Variants in TLK1 observed in about 807,000 individuals in gnomAD.
TLK1 encodes the protein serine/threonine-protein kinase tousled-like 1.
TLK1 carries 24 observed loss-of-function variants against 105.3 expected under a neutral mutation model. The ratio of observed to expected loss-of-function variants is 0.23; its 90% CI spans 0.17 to 0.32. The LOEUF (loss-of-function observed/expected upper bound fraction) is 0.32. TLK1 is among the 10% of genes least tolerant of loss of function. The pLI, the probability that TLK1 is intolerant of heterozygous loss-of-function variation, is 1.00. For synonymous variants in TLK1, 321 were observed against 310.4 expected (o/e 1.03, Z -0.36); for missense variants, 558 against 910.5 (o/e 0.61, Z 4.98).
intron 1 of TLK1, among the ~76,000 whole-genome samples, chr2:171,203,180 T>C (rs543405636): frequency 9.8e-5 from 15 of 152,352 alleles, no homozygotes; most frequent in East Asian, 3.8e-4. Flanking sequence ...AAATGTTTAA[T>C]TGTGGTTTAA....
rs1458863165 is a variant in TLK1 at position 171,055,099 on chromosome 2, G to A, written c.623C>T (p.Ser208Phe). The A allele has an allele frequency of 6.1e-6, 9 of 1,482,824 alleles. No individual in the cohort carries two copies. Among genetic ancestry groups the A allele is most frequent in the Non-Finnish European group, 8.0e-6 (9 of 1,120,932 alleles). The allele number at this position is 1,482,824 out of a possible 1,614,324, so 91.9% of individuals were successfully genotyped here. A position where few individuals can be genotyped will look rare whatever the true frequency, so the allele number is the denominator to read the frequency against. The change falls in exon 7 of 21, where the codon TCC becomes TTC. Residue 208 changes from serine (S) to phenylalanine (F), a missense_variant. Physicochemically the swap from Ser to Phe is radical, Grantham distance 155. Around this residue, in one of 5 missense-constraint regions of TLK1, gnomAD observed 196 missense variants for 239.3 expected, o/e 0.82. Coordinates refer to ENST00000431350, the MANE Select transcript of TLK1 (RefSeq NM_012290.5). ...ATCATTTACCTGAATAATTTTAAAG[G>A]ATAATTGCTTTGGTTGTACAATAGG... ...DHPIVQPKQL[S>F]FKIIQTDLTM...
chr2:171,130,567 A>G (rs1245366109), intron 1 of TLK1, among the ~76,000 whole-genome samples: 2 of 152,212 alleles, frequency 1.3e-5, no homozygotes, highest in Non-Finnish European at 2.9e-5. Context: ...GTCCCAGAAA[A>G]ATAAGCAACT....
At chr2:171,006,944 T>A in intron 15 of TLK1, 28 bp downstream of exon 15, 8 of 1,602,762 alleles carry the variant, frequency 5.0e-6, no homozygotes, top group South Asian at 2.2e-5. Flanking sequence ...TATTCAATTT[T>A]AAAAAACCAT....
chr2:171,196,583 C>T (rs147084546), intron 1 of TLK1, among the ~76,000 whole-genome samples: 2 of 152,108 alleles, frequency 1.3e-5, no homozygotes, highest in Non-Finnish European at 2.9e-5. Flanking sequence ...TTTCTATGTC[C>T]GCTCTCGCAA....
chr2:171,201,952 C>CT (rs1693407888), intron 1 of TLK1, among the ~76,000 whole-genome samples: 1 of 150,226 alleles, frequency 6.7e-6, no homozygotes, highest in Non-Finnish European at 1.5e-5. Flanking sequence ...TATCATCAAT[C>CT]ATATCTATTA....
intron 1 of TLK1, among the ~76,000 whole-genome samples, chr2:171,145,819 T>C (rs963175773): frequency 6.6e-6 from 1 of 152,112 alleles, no homozygotes; most frequent in Non-Finnish European, 1.5e-5. Flanking sequence ...AATATCTAGA[T>C]ACAAAATATA....
At chr2:171,124,229 C>A (rs538882305) in intron 1 of TLK1, among the ~76,000 whole-genome samples, 2 of 152,244 alleles carry the variant, frequency 1.3e-5, no homozygotes, top group East Asian at 1.9e-4. Context: ...TATAAAGCAG[C>A]CTGAAATTAT....
At chr2:171,019,949 T>G (rs2105380263) in intron 12 of TLK1, among the ~76,000 whole-genome samples, 1 of 151,276 alleles carries the variant, frequency 6.6e-6, no homozygotes. Context: ...CCCCAGCTAC[T>G]CGGGAGGATG....
chr2:171,066,663 G>A (rs1320356994), intron 3 of TLK1, among the ~76,000 whole-genome samples: 1 of 152,172 alleles, frequency 6.6e-6, no homozygotes, highest in Non-Finnish European at 1.5e-5. Context: ...CATGTTTAAA[G>A]GAGTATACTA....
chr2:170,993,494 T>A lies in TLK1; in HGVS notation c.*286A>T, dbSNP rs1265899698. 7.5e-6 allele frequency: 2 copies of A among 267,622 alleles called. No homozygotes were observed. The highest frequency in any genetic ancestry group is 1.4e-5 in the Non-Finnish European group (2 of 145,392). The allele number at this position is 267,622 out of a possible 1,614,324, so 16.6% of individuals were successfully genotyped here. On this transcript the variant is annotated 3_prime_UTR_variant, in exon 21 of 21. Coordinates refer to ENST00000431350, the MANE Select transcript of TLK1 (RefSeq NM_012290.5). ...TGTTCCCCCAAATAAACAAAATTTT[T>A]TTCCTCTATCTTAACATGGTATTCC...
chr2:171,007,104 T>C (rs1157105991), intron 14 of TLK1, 41 bp from the exon 15 acceptor site: 9 of 1,511,974 alleles, frequency 6.0e-6, no homozygotes, highest in African/African-American at 4.2e-5. Context: ...GAAAGACCAA[T>C]TGAATAGCTG....
chr2:171,206,910 A>G (rs994212564), intron 1 of TLK1, among the ~76,000 whole-genome samples: 2 of 152,370 alleles, frequency 1.3e-5, no homozygotes, highest in South Asian at 2.1e-4. Context: ...CCAAGTGCTG[A>G]CAAGGATGTG....
chr2:171,200,050 T>C (rs530449750), intron 1 of TLK1, among the ~76,000 whole-genome samples: 125 of 152,298 alleles, frequency 8.2e-4, no homozygotes, highest in African/African-American at 2.8e-3. Flanking sequence ...AGAGACTGGA[T>C]GGTGAGGCCA....
In TLK1 at chr2:171,086,534, G is replaced by A. The variant is rs77793866; in HGVS notation, c.259-3682C>T. Among the ~76,000 whole-genome samples the A allele has an allele frequency of 4.4e-3, 664 of 151,886 alleles. 35 individuals carry two copies. In the East Asian group the frequency reaches 0.12, roughly 27 times the overall value. On this transcript the variant is annotated intron_variant, in intron 2 of 20. Transcript: ENST00000431350. Reference sequence around the variant, plus strand: ...CCAGCTACTAGAGAGTCTGAGGCAGGAGAAATGCTTGAATCTGGGAGACAG... The same window carrying A: ...CCAGCTACTAGAGAGTCTGAGGCAGAAGAAATGCTTGAATCTGGGAGACAG...
chr2:171,025,434 T>C (rs1340045333), intron 12 of TLK1, among the ~76,000 whole-genome samples: 1 of 152,208 alleles, frequency 6.6e-6, no homozygotes, highest in East Asian at 1.9e-4. Context: ...TTCTGCTTAA[T>C]GTTAAGAATT....
chr2:171,190,483 T>C (rs1279417743), intron 1 of TLK1, among the ~76,000 whole-genome samples: 1 of 152,218 alleles, frequency 6.6e-6, no homozygotes, highest in African/African-American at 2.4e-5. Context: ...ATCAGATACA[T>C]GAGAGAATCT....
intron 2 of TLK1, among the ~76,000 whole-genome samples, chr2:171,090,560 G>C (rs1256069792): frequency 1.3e-5 from 2 of 152,130 alleles, no homozygotes; most frequent in African/African-American, 2.4e-5. Context: ...CTATTTATTT[G>C]AACGGTTTTT....
chr2:171,063,897 T>C (rs1464151564), intron 3 of TLK1, among the ~76,000 whole-genome samples: 1 of 152,240 alleles, frequency 6.6e-6, no homozygotes, highest in Non-Finnish European at 1.5e-5. Context: ...ACAACATTCG[T>C]TAAATACTTC....
At chr2:171,137,649 G>A (rs1245193146) in intron 1 of TLK1, among the ~76,000 whole-genome samples, 3 of 151,846 alleles carry the variant, frequency 2.0e-5, no homozygotes, top group Admixed American at 1.3e-4. Context: ...AGGAGTTCGC[G>A]ACCAACCTGG....
Sources: gnomAD v4.1 joint callset for allele counts (sites outside exome capture counted in the v4.1 genomes callset) on GRCh38, gnomAD v4.1.1 for gene constraint, gnomAD v4.1.1 regional missense constraint, MANE v1.5 for transcripts, NCBI Gene and HGNC (gene_info 2026-07-23, HGNC 2026-07-21) for gene names.